TANC2: variants seen among roughly 807,000 people sequenced by gnomAD.
TANC2 encodes the protein tetratricopeptide repeat, ankyrin repeat and coiled-coil containing 2, also known as protein TANC2.
TANC2 carries 26 observed loss-of-function variants against 210.5 expected under a neutral mutation model. That is an observed-to-expected ratio of 0.12 (90% CI 0.09 to 0.17). The LOEUF is 0.17. TANC2 is among the 10% of genes least tolerant of loss of function. TANC2 has a pLI of 1.00. For synonymous variants in TANC2, 931 were observed against 967.1 expected, an observed-to-expected ratio of 0.96 and a Z score of 0.69; for missense variants, 2,129 against 2,608.9, an observed-to-expected ratio of 0.82 and a Z score of 4.01.
At chr17:63,213,722 C>T (rs1213160298) in intron 7 of TANC2, among the ~76,000 whole-genome samples, 1 of 152,068 alleles carries the variant, frequency 6.6e-6, no homozygotes, top group Non-Finnish European at 1.5e-5. Flanking sequence ...AACCATTGGG[C>T]TATTACTGAA....
intron 4 of TANC2, among the ~76,000 whole-genome samples, chr17:63,133,037 A>G (rs2038971581): frequency 6.6e-6 from 1 of 152,136 alleles, no homozygotes; most frequent in Non-Finnish European, 1.5e-5. Flanking sequence ...GCAGTGGCGC[A>G]ATCTCGGCTC....
chr17:63,283,232 A>G (rs2146362315), intron 9 of TANC2, among the ~76,000 whole-genome samples: 1 of 152,104 alleles, frequency 6.6e-6, no homozygotes, highest in South Asian at 2.1e-4. Flanking sequence ...AAGACTATTC[A>G]TCTACTGGAT....
chr17:63,358,614 A>G (rs1166885865), intron 14 of TANC2, among the ~76,000 whole-genome samples: 1 of 152,136 alleles, frequency 6.6e-6, no homozygotes, highest in Non-Finnish European at 1.5e-5. Flanking sequence ...TCTCTTGGGC[A>G]CGGAGATATC....
intron 4 of TANC2, among the ~76,000 whole-genome samples, chr17:63,138,667 A>C (rs2145287913): frequency 6.6e-6 from 1 of 152,294 alleles, no homozygotes; most frequent in East Asian, 1.9e-4. Context: ...GATCAGAAAC[A>C]TGTTTTTAAA....
At chr17:63,097,991 C>G (rs1036072231) in intron 3 of TANC2, among the ~76,000 whole-genome samples, 1 of 152,066 alleles carries the variant, frequency 6.6e-6, no homozygotes, top group African/African-American at 2.4e-5. Flanking sequence ...CATTCCTCTG[C>G]TAAAATTTTA....
At chr17:63,379,559 C>G (rs888488578) in intron 14 of TANC2, among the ~76,000 whole-genome samples, 159 bp from the exon 15 acceptor site, 1 of 152,296 alleles carries the variant, frequency 6.6e-6, no homozygotes, top group South Asian at 2.1e-4. Context: ...ATCCTAGCTA[C>G]TCAGGAGGCT....
chr17:63,367,523 A>C (rs2047145717), intron 14 of TANC2, among the ~76,000 whole-genome samples: 1 of 152,178 alleles, frequency 6.6e-6, no homozygotes, highest in Non-Finnish European at 1.5e-5. Flanking sequence ...CCTGCTCTAA[A>C]GGAAAGTCAG....
At chr17:63,073,829 A>T in intron 2 of TANC2, 114 bp from the exon 3 acceptor site, 2 of 923,284 alleles carry the variant, frequency 2.2e-6, no homozygotes, top group Non-Finnish European at 3.2e-6. Context: ...GATCCGGATT[A>T]TAGGAAATAC....
chr17:63,323,383 A>G (rs2045554934), intron 11 of TANC2, among the ~76,000 whole-genome samples: 1 of 152,232 alleles, frequency 6.6e-6, no homozygotes, highest in East Asian at 1.9e-4. Context: ...TTGAAGAAAT[A>G]CTTTCCATTT....
intron 2 of TANC2, among the ~76,000 whole-genome samples, chr17:63,037,499 A>G (rs183335881): frequency 6.6e-6 from 1 of 152,200 alleles, no homozygotes; most frequent in East Asian, 1.9e-4. Flanking sequence ...TTCTTATTGT[A>G]CATTGCTTAT....
At chr17:63,107,404 A>T (rs2037868386) in intron 4 of TANC2, among the ~76,000 whole-genome samples, 1 of 151,774 alleles carries the variant, frequency 6.6e-6, no homozygotes, top group Non-Finnish European at 1.5e-5. Context: ...TTGATATTTT[A>T]TGCAGATACA....
At chr17:63,270,128 G>C (rs186006123) in intron 9 of TANC2, among the ~76,000 whole-genome samples, 13 of 152,212 alleles carry the variant, frequency 8.5e-5, no homozygotes. Context: ...TGTTTACTTA[G>C]CAGTGTAAAG....
intron 11 of TANC2, among the ~76,000 whole-genome samples, chr17:63,328,808 A>T (rs550981947): frequency 6.6e-6 from 1 of 152,184 alleles, no homozygotes; most frequent in African/African-American, 2.4e-5. Context: ...ATAAAAAATG[A>T]TACAATAGGG....
intron 9 of TANC2, among the ~76,000 whole-genome samples, chr17:63,294,730 G>A (rs2044483418): frequency 2.0e-5 from 3 of 152,136 alleles, no homozygotes; most frequent in Admixed American, 2.0e-4. Flanking sequence ...GCATTTCAAA[G>A]TAAATTGCAG....
chr17:63,241,361 G>T (rs1352749831), intron 8 of TANC2, among the ~76,000 whole-genome samples: 1 of 152,174 alleles, frequency 6.6e-6, no homozygotes, highest in Non-Finnish European at 1.5e-5. Flanking sequence ...TTAATCAGAA[G>T]CCCTTATTCA....
At chr17:63,288,632 A>G (rs1279536470) in intron 9 of TANC2, among the ~76,000 whole-genome samples, 2 of 152,158 alleles carry the variant, frequency 1.3e-5, no homozygotes. Context: ...AAATCTATAT[A>G]TGAGATCTAT....
rs187585577 is a variant in TANC2, at chr17:63,354,678, G to A, written c.1975-105G>A. The A allele has an allele frequency of 3.0e-5, 43 of 1,412,614 alleles. 1 individual carries two copies. The East Asian group carries it at 9.4e-4, about 31-fold the overall frequency. The allele number at this position is 1,412,614 out of a possible 1,614,324, so 87.5% of individuals were successfully genotyped here. On this transcript the variant is annotated intron_variant, in intron 13 of 27. Coordinates refer to ENST00000689528, the Ensembl canonical transcript of TANC2. Reference sequence around the variant, plus strand: ...AATACTTGATCATGTTTCCCTGTTTGGCCACTTCGAAGTTCAGAATACATT... The same window carrying A: ...AATACTTGATCATGTTTCCCTGTTTAGCCACTTCGAAGTTCAGAATACATT...
chr17:63,095,977 G>A (rs987735277), intron 3 of TANC2, among the ~76,000 whole-genome samples: 2 of 152,062 alleles, frequency 1.3e-5, no homozygotes, highest in Admixed American at 6.6e-5. Context: ...TTTAACATTG[G>A]AACATTTTAA....
chr17:63,354,309 T>A (rs1401058548), intron 13 of TANC2, among the ~76,000 whole-genome samples: 4 of 152,190 alleles, frequency 2.6e-5, no homozygotes, highest in Non-Finnish European at 4.4e-5. Flanking sequence ...ATGTAGTCAT[T>A]TTATACATCT....
Sources: gnomAD v4.1 joint callset for allele counts (sites outside exome capture counted in the v4.1 genomes callset) on GRCh38, gnomAD v4.1.1 for gene constraint, MANE v1.5 for transcripts, NCBI Gene and HGNC (gene_info 2026-07-23, HGNC 2026-07-21) for gene names.